The following ARHGAP22 variants were observed in gnomAD, a reference collection of about 807,000 sequenced individuals.
ARHGAP22 encodes the protein Rho GTPase activating protein 22.
ARHGAP22 carries 48 observed loss-of-function variants against 59.1 expected under a neutral mutation model. The observed-to-expected ratio is 0.81, with a 90% confidence interval of 0.64 to 1.03. The LOEUF is 1.03. Ranked by LOEUF, ARHGAP22 falls within the 50% of genes least tolerant of loss-of-function variation. ARHGAP22 has a pLI of 0.00. For synonymous variants in ARHGAP22, 445 were observed against 416.4 expected (o/e 1.07, Z -0.84); for missense variants, 1,015 against 958.7 (o/e 1.06, Z -0.78).
intron 3 of ARHGAP22, among the ~76,000 whole-genome samples, chr10:48,550,958 T>C (rs1047938899): frequency 6.6e-6 from 1 of 152,138 alleles, no homozygotes; most frequent in Admixed American, 6.5e-5. Context: ...TTCCCTCACA[T>C]CTGGTTCAAA....
At chr10:48,577,116 C>G (rs931006406) in intron 2 of ARHGAP22, among the ~76,000 whole-genome samples, 1 of 151,878 alleles carries the variant, frequency 6.6e-6, no homozygotes, top group African/African-American at 2.4e-5. Flanking sequence ...TCTTATTGTC[C>G]TCTTCTTCCT....
intron 3 of ARHGAP22, among the ~76,000 whole-genome samples, chr10:48,492,314 G>A (rs926088516): frequency 1.1e-4 from 16 of 152,058 alleles, no homozygotes; most frequent in African/African-American, 3.9e-4. Context: ...AGCAATGTAT[G>A]ATTTGTCACA....
At chr10:48,493,297 T>C in intron 3 of ARHGAP22, 1 of 943,998 alleles carries the variant, frequency 1.1e-6, no homozygotes, top group Non-Finnish European at 1.6e-6. Flanking sequence ...CCTGCTGTCC[T>C]CCCAGTCTTC....
rs79383899 is a variant in ARHGAP22, at chr10:48,636,943, T to C, written c.52+15291A>G. Among the ~76,000 whole-genome samples, 1,076 of 152,304 alleles carry C rather than the reference T, an allele frequency of 7.1e-3. 6 individuals carry two copies. Among genetic ancestry groups the C allele is most frequent in the Non-Finnish European group, 0.012 (832 of 68,018 alleles). ...TACATTGGGGTGGGCAGAAGACATA[T>C]CAGGGAGGGCCGGAGTCTGAGAGGC... On this transcript the variant is annotated intron_variant, in intron 1 of 9. Coordinates refer to the ARHGAP22 transcript ENST00000435790.
intron 3 of ARHGAP22, among the ~76,000 whole-genome samples, chr10:48,480,939 G>C (rs1187957732): frequency 2.6e-5 from 4 of 152,258 alleles, no homozygotes; most frequent in African/African-American, 9.6e-5. Flanking sequence ...TGAGGGCTGA[G>C]GCAGAGGGTG....
chr10:48,474,370 G>A (rs889594032), intron 4 of ARHGAP22, among the ~76,000 whole-genome samples: 3 of 150,928 alleles, frequency 2.0e-5, no homozygotes, highest in African/African-American at 7.3e-5. Context: ...ACAAGATCAC[G>A]CCATCTGCAA....
intron 1 of ARHGAP22, among the ~76,000 whole-genome samples, chr10:48,649,565 G>C (rs1347274555): frequency 6.6e-6 from 1 of 152,218 alleles, no homozygotes; most frequent in Non-Finnish European, 1.5e-5. Flanking sequence ...CTTGGCATGG[G>C]GAGTGCCAGG....
rs372941278 is a variant in ARHGAP22 at position 48,465,332 on chromosome 10, G to A, written c.452-5441C>T. 1.6e-4 allele frequency among the ~76,000 whole-genome samples: 24 copies of A among 152,304 alleles called. 1 individual carries two copies. The East Asian group carries it at 2.5e-3, about 16-fold the overall frequency. ...CCGCCAGCGTTCCCCTGGCAAAGCC[G>A]TCCCTCACTCCCCTCCCCGGGAATC... is the stretch of plus-strand genomic sequence containing the variant. On this transcript the variant is annotated intron_variant, in intron 4 of 9. Coordinates refer to ENST00000249601, the MANE Select transcript of ARHGAP22 (RefSeq NM_021226.4).
At chr10:48,446,789 G>A (rs1235901290) in intron 9 of ARHGAP22, among the ~76,000 whole-genome samples, 170 bp from the exon 10 acceptor site, 1 of 152,194 alleles carries the variant, frequency 6.6e-6, no homozygotes, top group Non-Finnish European at 1.5e-5. Flanking sequence ...CTTCACCCAT[G>A]AGCAAATTGC....
chr10:48,485,140 G>A (rs180732319), intron 3 of ARHGAP22, among the ~76,000 whole-genome samples: 2 of 152,300 alleles, frequency 1.3e-5, no homozygotes, highest in East Asian at 3.9e-4. Context: ...GTAGGTTGCC[G>A]ACTTGGGTCA....
chr10:48,489,910 T>G, intron 3 of ARHGAP22, among the ~76,000 whole-genome samples: 1 of 152,068 alleles, frequency 6.6e-6, no homozygotes, highest in East Asian at 1.9e-4. Context: ...ATTTTTTGTA[T>G]TTTTAGTAGA....
At chr10:48,655,452 G>A (rs914478444), upstream of ARHGAP22, 1 of 152,472 alleles carries the variant, frequency 6.6e-6, no homozygotes, top group Non-Finnish European at 1.5e-5. Context: ...AGGGGGAGAA[G>A]GGACAGGAGA....
In ARHGAP22 at chr10:48,505,517, T is replaced by C. The variant is rs563275559; in HGVS notation, c.323-25753A>G. ...TGCTCTCCTGGCTGTCCTGCCAGGC[T>C]GTCTGCTCTCCTGCCACCGAGCCCC... On this transcript the variant is annotated intron_variant, in intron 3 of 9. Transcript: ENST00000249601. Among the ~76,000 whole-genome samples, 8 of 152,152 alleles carry C rather than the reference T, an allele frequency of 5.3e-5. No individual in the cohort carries two copies. The East Asian group carries it at 1.2e-3, about 22-fold the overall frequency.
intron 4 of ARHGAP22, among the ~76,000 whole-genome samples, chr10:48,469,405 A>G (rs1417898577): frequency 6.6e-6 from 1 of 152,192 alleles, no homozygotes; most frequent in African/African-American, 2.4e-5. Context: ...AGTCTGTCCA[A>G]TCACACAAGC....
At position 48,624,733 on chromosome 10, in the gene ARHGAP22, A is replaced by G. The variant is rs145038731; in HGVS notation, c.52+27501T>C. On this transcript the variant is annotated intron_variant, in intron 1 of 9. Transcript: ENST00000435790. ...TTATTTTGAGCCAACTCCAAGAAAG[A>G]TAAGTTCTCATGCCACGAGGAAAGC... Among the ~76,000 whole-genome samples, 659 of 152,368 alleles carry G rather than the reference A, an allele frequency of 4.3e-3. 1 individual carries two copies. Among genetic ancestry groups the G allele is most frequent in the Admixed American group, 6.1e-3 (94 of 15,306 alleles).
At chr10:48,526,330 C>T (rs992268072) in intron 3 of ARHGAP22, among the ~76,000 whole-genome samples, 4 of 151,970 alleles carry the variant, frequency 2.6e-5, no homozygotes, top group Non-Finnish European at 4.4e-5. Context: ...TTCTGCCTCC[C>T]TCCCTCTCCT....
intron 1 of ARHGAP22, among the ~76,000 whole-genome samples, chr10:48,592,165 C>T: frequency 6.6e-6 from 1 of 152,222 alleles, no homozygotes; most frequent in Admixed American, 6.5e-5. Context: ...CAATCCTTGT[C>T]TCCAATTCCT....
At chr10:48,560,274 C>G (rs2057600229) in intron 2 of ARHGAP22, among the ~76,000 whole-genome samples, 3 of 152,140 alleles carry the variant, frequency 2.0e-5, no homozygotes, top group Admixed American at 2.0e-4. Flanking sequence ...TTGCATAGAT[C>G]AATTTGGGGA....
At chr10:48,540,202 T>C (rs942163628) in intron 3 of ARHGAP22, among the ~76,000 whole-genome samples, 2 of 152,232 alleles carry the variant, frequency 1.3e-5, no homozygotes. Context: ...TTATGTGCAC[T>C]AGTACACACA....
Sources: allele counts gnomAD v4.1 joint callset (sites outside exome capture counted in the v4.1 genomes callset), GRCh38; gene constraint gnomAD v4.1.1; transcripts MANE v1.5; gene names NCBI Gene and HGNC (gene_info 2026-07-23, HGNC 2026-07-21).